COX4I1: variants seen among roughly 807,000 people sequenced by gnomAD.
COX4I1 encodes the protein cytochrome c oxidase subunit 4 isoform 1, mitochondrial.
A neutral mutation model predicts 21.7 loss-of-function variants in COX4I1; 18 were observed. The observed-to-expected ratio is 0.83, with a 90% CI of 0.57 to 1.23. The LOEUF is 1.23. Among genes scored for constraint, COX4I1 ranks in the 50% most tolerant of loss-of-function variants. The pLI is 0.00. For missense variants in COX4I1, 238 were observed against 220.7 expected, an observed-to-expected ratio of 1.08 and a Z score of -0.50; for synonymous variants, 100 against 81.5, an observed-to-expected ratio of 1.23 and a Z score of -1.23.
At chr16:85,800,666 C>G (rs1329059473) in intron 1 of COX4I1, among the ~76,000 whole-genome samples, 1 of 152,170 alleles carries the variant, frequency 6.6e-6, no homozygotes, top group African/African-American at 2.4e-5. Flanking sequence ...TCTGGTTGCC[C>G]AGGCTGGGGT....
chr16:85,806,889 C>T lies in COX4I1; in HGVS notation c.*15C>T, dbSNP rs373925837. Reference sequence around the variant, plus strand: ...GGAAGAAGTGAGAGATGCTGGCCTGCGCCTGCACCTGCGCCTGGCTCTGTC... The same window carrying T: ...GGAAGAAGTGAGAGATGCTGGCCTGTGCCTGCACCTGCGCCTGGCTCTGTC... On this transcript the variant is annotated 3_prime_UTR_variant, in exon 5 of 5. Transcript: ENST00000253452. The T allele has an allele frequency of 4.7e-5, 76 of 1,606,212 alleles. No homozygotes were observed. The highest frequency in any genetic ancestry group is 5.4e-5 in the Non-Finnish European group (64 of 1,175,296).
chr16:85,804,939 A>C lies in COX4I1; in HGVS notation c.76A>C (p.Ser26Arg). ...GATTTATTCAATATGTTTTTCAGAA[A>C]GTGTTGTGAAGAGCGAAGACTTTTC... Reference protein sequence around the residue: ...STSVCVRAHESVVKSEDFSLP... With the variant: ...STSVCVRAHERVVKSEDFSLP... The change falls in exon 3 of 5, where the codon AGT becomes CGT. Residue 26 changes from serine to arginine, a missense_variant and splice_region_variant. Physicochemically the swap from Ser to Arg is moderately radical, Grantham distance 110. Coordinates refer to ENST00000253452, the MANE Select transcript of COX4I1 (RefSeq NM_001861.6). 1 of 1,599,468 alleles carries C rather than the reference A, an allele frequency of 6.3e-7. No homozygotes were observed. The highest frequency in any genetic ancestry group is 1.1e-5 in the South Asian group (1 of 89,156).
chr16:85,803,910 C>G (rs191982845), intron 2 of COX4I1: 2 of 152,400 alleles, frequency 1.3e-5, no homozygotes, highest in African/African-American at 4.8e-5. Flanking sequence ...TGCCCCGCTG[C>G]TCTACTCTTT....
intron 4 of COX4I1, 192 bp from the exon 5 acceptor site, chr16:85,806,546 C>G: frequency 1.2e-6 from 1 of 815,426 alleles, no homozygotes; most frequent in Non-Finnish European, 2.1e-6. Flanking sequence ...TAACTTTTTA[C>G]AAACAAAGGG....
intron 3 of COX4I1, chr16:85,805,506 C>A: frequency 1.7e-6 from 1 of 605,270 alleles, no homozygotes; most frequent in Non-Finnish European, 2.9e-6. Flanking sequence ...TTAATTTGCA[C>A]CTGAAGCGAA....
intron 2 of COX4I1, chr16:85,803,739 G>A (rs1016879211): frequency 2.6e-5 from 4 of 152,144 alleles, no homozygotes; most frequent in African/African-American, 7.2e-5. Flanking sequence ...GTTTCGTTAC[G>A]CGTATGTGAG....
rs1369831197 is a variant in COX4I1, at chr16:85,806,383, G to C, written c.374-355G>C. 1.2e-5 allele frequency: 8 copies of C among 693,934 alleles called. No homozygotes were observed. In the East Asian group the frequency reaches 1.6e-4, roughly 14 times the overall value. The allele number at this position is 693,934 out of a possible 1,614,324, so 43.0% of individuals were successfully genotyped here. A position where few individuals can be genotyped will look rare whatever the true frequency, so the allele number is the denominator to read the frequency against. On this transcript the variant is annotated intron_variant, in intron 4 of 4. Coordinates refer to ENST00000253452, the MANE Select transcript of COX4I1 (RefSeq NM_001861.6). ...AACAGGCATTTTTGCATTCTGAATAGGTATATTCTCGTACTTTTGGTTTGA... is the reference window on the plus strand; with the variant it reads ...AACAGGCATTTTTGCATTCTGAATACGTATATTCTCGTACTTTTGGTTTGA...
intron 1 of COX4I1, among the ~76,000 whole-genome samples, chr16:85,800,643 G>C (rs1399879365): frequency 6.6e-6 from 1 of 152,138 alleles, no homozygotes; most frequent in African/African-American, 2.4e-5. Flanking sequence ...TTTTGTTTGA[G>C]ACGGACTCTT....
Position 85,801,281 on chromosome 16 carries a change from A to T in COX4I1, c.73+3A>T. On this transcript the variant is annotated splice_donor_region_variant and intron_variant, in intron 2 of 4. Transcript: ENST00000253452. ...CTCTGTGTGTGTACGAGCTCATGGT[A>T]AGTGTGACTTTTCTTACTTTTAAAT... 1.2e-6 allele frequency: 2 copies of T among 1,604,268 alleles called. No individual in the cohort carries two copies. Among genetic ancestry groups the T allele is most frequent in the Non-Finnish European group, 1.7e-6 (2 of 1,171,682 alleles).
At chr16:85,802,672 C>G (rs1006184227) in intron 2 of COX4I1, among the ~76,000 whole-genome samples, 1 of 152,234 alleles carries the variant, frequency 6.6e-6, no homozygotes, top group African/African-American at 2.4e-5. Context: ...CCAGCAGAGG[C>G]TCAACAGAAA....
At chr16:85,806,613 T>C in intron 4 of COX4I1, 125 bp from the exon 5 acceptor site, 1 of 1,382,240 alleles carries the variant, frequency 7.2e-7, no homozygotes, top group Non-Finnish European at 1.0e-6. Flanking sequence ...TGAGCGGGTG[T>C]TGAGTGGCAG....
At chr16:85,804,164 C>T (rs895126966) in intron 2 of COX4I1, 3 of 152,244 alleles carry the variant, frequency 2.0e-5, no homozygotes, top group African/African-American at 7.2e-5. Context: ...GACACAGGTT[C>T]CCTGGAACAG....
At chr16:85,806,638 C>G in intron 4 of COX4I1, 100 bp from the exon 5 acceptor site, 1 of 1,593,592 alleles carries the variant, frequency 6.3e-7, no homozygotes, top group Non-Finnish European at 8.6e-7. Flanking sequence ...CTCTGCTGAC[C>G]TGGTGGCTGG....
In COX4I1 at chr16:85,805,741, A is replaced by G. The variant is rs749552922; in HGVS notation, c.250A>G (p.Ile84Val). ...GTCCTCTCTGCCCCCAGTGTATCGCATTAAGTTCAAGGAGAGCTTTGCTGA... is the reference window on the plus strand; with the variant it reads ...GTCCTCTCTGCCCCCAGTGTATCGCGTTAAGTTCAAGGAGAGCTTTGCTGA... ...SMDEKVELYR[I>V]KFKESFAEMN... The change falls in exon 4 of 5, where the codon ATT becomes GTT. Residue 84 changes from isoleucine (I) to valine (V), a missense_variant. Ile to Val is a conservative substitution (Grantham distance 29). Coordinates refer to ENST00000253452, the MANE Select transcript of COX4I1 (RefSeq NM_001861.6). The G allele has an allele frequency of 3.7e-6, 6 of 1,614,248 alleles. No individual in the cohort carries two copies. The highest frequency in any genetic ancestry group is 2.2e-5 in the South Asian group (2 of 91,088).
chr16:85,804,960 T>G lies in COX4I1; in HGVS notation c.97T>G (p.Phe33Val), dbSNP rs765105753. The G allele has an allele frequency of 1.2e-6, 2 of 1,610,274 alleles. No homozygotes were observed. Among genetic ancestry groups the G allele is most frequent in the South Asian group, 1.1e-5 (1 of 90,378 alleles). Residue 33 changes from phenylalanine to valine, a missense_variant, in exon 3 of 5, where the codon TTT becomes GTT. Coordinates refer to ENST00000253452, the MANE Select transcript of COX4I1 (RefSeq NM_001861.6). ...AHESVVKSED[F>V]SLPAYMDRRD... ...AGAAAGTGTTGTGAAGAGCGAAGAC[T>G]TTTCGCTCCCAGCTTATATGGATCG...
At chr16:85,800,915 C>A (rs945085003) in intron 1 of COX4I1, among the ~76,000 whole-genome samples, 1 of 152,184 alleles carries the variant, frequency 6.6e-6, no homozygotes, top group African/African-American at 2.4e-5. Flanking sequence ...TGAGCCACCG[C>A]GCCCGGCCTC....
rs750534183 is a variant in COX4I1, at chr16:85,801,228, G to A, written c.23G>A (p.Ser8Asn). The change falls in exon 2 of 5, where the codon AGC (serine) becomes AAC (asparagine). Residue 8 changes from serine to asparagine, a missense_variant. Physicochemically the swap from Ser to Asn is conservative, Grantham distance 46 (BLOSUM62 1). Transcript: ENST00000253452. ...AGAATGTTGGCTACCAGGGTATTTA[G>A]CCTAGTTGGCAAGCGAGCAATTTCC... MLATRVF[S>N]LVGKRAISTS... is the part of the protein sequence containing the mutation. 4 of 1,610,030 alleles carry A rather than the reference G, an allele frequency of 2.5e-6. No individual in the cohort carries two copies. Among genetic ancestry groups the A allele is most frequent in the South Asian group, 1.1e-5 (1 of 90,906 alleles).
rs758224726 is a variant in COX4I1 at position 85,805,837 on chromosome 16, C to T, written c.346C>T (p.Leu116Phe). The T allele has an allele frequency of 1.9e-6, 3 of 1,614,220 alleles. No individual in the cohort carries two copies. Among genetic ancestry groups the T allele is most frequent in the Non-Finnish European group, 2.5e-6 (3 of 1,180,044 alleles). The change falls in exon 4 of 5, where the codon CTC becomes TTC. Residue 116 changes from leucine to phenylalanine, a missense_variant. By Grantham distance (22) the Leu-to-Phe change is conservative (BLOSUM62 0). Coordinates refer to ENST00000253452, the MANE Select transcript of COX4I1 (RefSeq NM_001861.6). ...CATGTTCTTCATCGGTTTCACCGCG[C>T]TCGTTATCATGTGGCAGAAGCACTA... Reference protein sequence around the residue: ...GAMFFIGFTALVIMWQKHYVY... With the variant: ...GAMFFIGFTAFVIMWQKHYVY...
At chr16:85,801,923 G>A (rs564544220) in intron 2 of COX4I1, among the ~76,000 whole-genome samples, 13 of 152,136 alleles carry the variant, frequency 8.5e-5, no homozygotes, top group African/African-American at 2.6e-4. Context: ...GAAGAGGGAC[G>A]GATGGGTGAA....
Sources: gnomAD v4.1 joint callset for allele counts (sites outside exome capture counted in the v4.1 genomes callset) on GRCh38, gnomAD v4.1.1 for gene constraint, MANE v1.5 for transcripts, NCBI Gene and HGNC (gene_info 2026-07-23, HGNC 2026-07-21) for gene names.